Variants in CBX1 observed in about 807,000 individuals in gnomAD.
The protein encoded by CBX1 is chromobox protein homolog 1.
A neutral mutation model predicts 25.1 loss-of-function variants in CBX1; 10 were observed. The observed-to-expected ratio is 0.40, with a 90% CI of 0.25 to 0.68. The LOEUF (loss-of-function observed/expected upper bound fraction) is 0.68. CBX1 is among the 30% of genes least tolerant of loss of function. The pLI is 0.40. For missense variants in CBX1, 106 were observed against 218.5 expected (o/e 0.49, Z 3.25); for synonymous variants, 63 against 79.4 (o/e 0.79, Z 1.10).
At chr17:48,079,062 G>T (rs2037706357) in intron 1 of CBX1, among the ~76,000 whole-genome samples, 1 of 151,980 alleles carries the variant, frequency 6.6e-6, no homozygotes, top group Non-Finnish European at 1.5e-5. Context: ...CTCCCAAAGT[G>T]CTGGGATTAC....
chr17:48,085,691 C>G (rs554014354), intron 1 of CBX1, among the ~76,000 whole-genome samples: 2 of 152,062 alleles, frequency 1.3e-5, no homozygotes, highest in South Asian at 4.1e-4. Context: ...TTTAAATTGA[C>G]AAGTGCTACA....
chr17:48,074,203 G>A (rs2037653329), intron 4 of CBX1, among the ~76,000 whole-genome samples: 1 of 151,990 alleles, frequency 6.6e-6, no homozygotes, highest in African/African-American at 2.4e-5. Context: ...ACTGACAAAA[G>A]GACAAAGCTC....
At chr17:48,090,989 A>G (rs191856061) in intron 1 of CBX1, among the ~76,000 whole-genome samples, 48 of 152,294 alleles carry the variant, frequency 3.2e-4, no homozygotes, top group African/African-American at 1.1e-3. Context: ...CACAGACAAT[A>G]AACAAGAAAA....
At chr17:48,076,563 T>C (rs1311833567) in intron 2 of CBX1, among the ~76,000 whole-genome samples, 3 of 152,046 alleles carry the variant, frequency 2.0e-5, no homozygotes, top group Non-Finnish European at 4.4e-5. Flanking sequence ...ACCAGCTACT[T>C]AGAAGGCTGA....
At chr17:48,075,445 G>A (rs1375238417) in intron 3 of CBX1, among the ~76,000 whole-genome samples, 5 of 152,042 alleles carry the variant, frequency 3.3e-5, no homozygotes, top group African/African-American at 4.8e-5. Flanking sequence ...CGCCCGCCTC[G>A]GCCTCCCAAG....
intron 1 of CBX1, among the ~76,000 whole-genome samples, chr17:48,091,899 G>C (rs986589905): frequency 3.4e-5 from 5 of 147,290 alleles, no homozygotes; most frequent in South Asian, 2.1e-4. Flanking sequence ...GGCTGGTCTC[G>C]AACTCCTGAC....
At chr17:48,100,824 C>T (rs2063405026) in intron 1 of CBX1, 1 of 985,532 alleles carries the variant, frequency 1.0e-6, no homozygotes, top group Non-Finnish European at 1.2e-6. Flanking sequence ...AAGCCAGGTT[C>T]CTCTGGCAGT....
At chr17:48,090,646 A>C (rs1199431875) in intron 1 of CBX1, among the ~76,000 whole-genome samples, 1 of 152,164 alleles carries the variant, frequency 6.6e-6, no homozygotes. Context: ...ATCTGTGGGC[A>C]TTTGAGCTGA....
chr17:48,098,591 G>A (rs996747127), intron 1 of CBX1, among the ~76,000 whole-genome samples: 5 of 152,056 alleles, frequency 3.3e-5, no homozygotes, highest in African/African-American at 7.2e-5. Flanking sequence ...TCTGCCTCCC[G>A]GGTTCAAACG....
rs972983035 is a variant in CBX1 at position 48,087,736 on chromosome 17, G to C, written c.-37-10695C>G. 2.0e-5 allele frequency among the ~76,000 whole-genome samples: 3 copies of C among 152,034 alleles called. No individual in the cohort carries two copies. The East Asian group carries it at 5.8e-4, about 29-fold the overall frequency. On this transcript the variant is annotated intron_variant, in intron 1 of 4. Coordinates refer to ENST00000225603, the MANE Select transcript of CBX1 (RefSeq NM_001127228.2). Reference sequence around the variant, plus strand: ...AAAACACAAAAATTGGCCGGGCATAGTGGCACACGCATGTAGTCCTAGCTA... The same window carrying C: ...AAAACACAAAAATTGGCCGGGCATACTGGCACACGCATGTAGTCCTAGCTA...
rs762959782 is a variant in CBX1, at chr17:48,071,032, T to G, written c.*403A>C. The G allele has an allele frequency of 1.4e-5, 2 of 139,592 alleles. No homozygotes were observed. Among genetic ancestry groups the G allele is most frequent in the Non-Finnish European group, 3.1e-5 (2 of 64,120 alleles). The allele number at this position is 139,592 out of a possible 1,614,324, so 8.6% of individuals were successfully genotyped here. A position where few individuals can be genotyped will look rare whatever the true frequency, so the allele number is the denominator to read the frequency against. On this transcript the variant is annotated 3_prime_UTR_variant, in exon 5 of 5. Transcript: ENST00000225603. ...TAATACACCAGTAATAGCCAAAAACTACACACATGCTACGCTGTAAAAATG... is the reference window on the plus strand; with the variant it reads ...TAATACACCAGTAATAGCCAAAAACGACACACATGCTACGCTGTAAAAATG...
In CBX1 at chr17:48,082,501, CAAAAAAAAAA is replaced by C. The variant is rs572999255; in HGVS notation, c.-37-5470_-37-5461del. 4.2e-3 allele frequency among the ~76,000 whole-genome samples: 226 copies of C among 53,770 alleles called. 1 individual carries two copies. Among genetic ancestry groups the C allele is most frequent in the Admixed American group, 0.018 (60 of 3,396 alleles). 35.3% of individuals were successfully genotyped at this position (53,770 alleles called of 152,430 possible). On this transcript the variant is annotated intron_variant, in intron 1 of 4. Transcript: ENST00000225603. The stretch of plus-strand genomic sequence containing the variant: ...TGGGGGACAGAGCGAGACTCCATCT[CAAAAAAAAAA>C]AAAAAAAAAAAAAAGGAAAAATGAT...
intron 1 of CBX1, among the ~76,000 whole-genome samples, chr17:48,086,933 T>C (rs1379845484): frequency 6.6e-6 from 1 of 152,130 alleles, no homozygotes; most frequent in Non-Finnish European, 1.5e-5. Flanking sequence ...CTCACGCCTG[T>C]AATTCCAGCA....
chr17:48,097,173 G>C (rs568298116), intron 1 of CBX1, among the ~76,000 whole-genome samples: 2 of 151,796 alleles, frequency 1.3e-5, no homozygotes, highest in Non-Finnish European at 2.9e-5. Flanking sequence ...AGAATCACTT[G>C]AACCGAGGAG....
chr17:48,077,202 T>A (rs2037682752), intron 1 of CBX1, among the ~76,000 whole-genome samples, 161 bp from the exon 2 acceptor site: 1 of 151,986 alleles, frequency 6.6e-6, no homozygotes, highest in African/African-American at 2.4e-5. Flanking sequence ...AATAGTTTTC[T>A]GATATGTCCA....
chr17:48,071,795 G>A (rs185316773), intron 4 of CBX1, among the ~76,000 whole-genome samples: 8 of 152,326 alleles, frequency 5.3e-5, no homozygotes, highest in Admixed American at 3.3e-4. Context: ...GGGGATTCGT[G>A]TATGTCAAAA....
At chr17:48,076,721 T>C in intron 2 of CBX1, 144 bp downstream of exon 2, 2 of 703,922 alleles carry the variant, frequency 2.8e-6, no homozygotes, top group South Asian at 2.0e-5. Flanking sequence ...TTATAAGCAG[T>C]AGGCCATATT....
intron 3 of CBX1, among the ~76,000 whole-genome samples, chr17:48,075,414 T>C (rs2037665772): frequency 6.6e-6 from 1 of 152,090 alleles, no homozygotes; most frequent in African/African-American, 2.4e-5. Context: ...AGGATGGTCT[T>C]GATCTCCTGA....
In CBX1 at chr17:48,081,937, C is replaced by T. The variant is rs1286203742; in HGVS notation, c.-37-4896G>A. ...GTTTACAATTAGTTCTCTAGGGTTT[C>T]AAGAAAGCTATTTGTCAAAATCAGT... On this transcript the variant is annotated intron_variant, in intron 1 of 4. Coordinates refer to ENST00000225603, the MANE Select transcript of CBX1 (RefSeq NM_001127228.2). Among the ~76,000 whole-genome samples the T allele has an allele frequency of 3.9e-5, 6 of 152,048 alleles. No individual in the cohort carries two copies. The East Asian group carries it at 1.2e-3, about 29-fold the overall frequency.
Sources: gnomAD v4.1 joint callset for allele counts (sites outside exome capture counted in the v4.1 genomes callset) on GRCh38, gnomAD v4.1.1 for gene constraint, MANE v1.5 for transcripts, NCBI Gene and HGNC (gene_info 2026-07-23, HGNC 2026-07-21) for gene names.